Variants in SCAPER observed in about 807,000 individuals in gnomAD.
SCAPER encodes the protein S phase cyclin A-associated protein in the endoplasmic reticulum.
In SCAPER, 98 loss-of-function variants were observed where a neutral mutation model predicts 182.2. The ratio of observed to expected loss-of-function variants is 0.54; its 90% CI spans 0.46 to 0.64. SCAPER has a LOEUF of 0.64. SCAPER is among the 30% of genes least tolerant of loss of function. The probability of loss-of-function intolerance (pLI) is 0.00; values close to 1 mark genes in which losing one functional copy is unlikely to be tolerated. For missense variants in SCAPER, 1,432 were observed against 1,690.0 expected, an observed-to-expected ratio of 0.85 and a Z score of 2.68; for synonymous variants, 605 against 564.6, an observed-to-expected ratio of 1.07 and a Z score of -1.01.
At chr15:76,776,892 GAAAT>G (rs1454075731) in intron 8 of SCAPER, among the ~76,000 whole-genome samples, 1 of 152,042 alleles carries the variant, frequency 6.6e-6, no homozygotes, top group Non-Finnish European at 1.5e-5. Flanking sequence ...ATAGGAAAAA[GAAAT>G]ACTTTTCAAT....
chr15:76,515,603 A>G (rs1262313233), intron 23 of SCAPER, among the ~76,000 whole-genome samples: 3 of 152,170 alleles, frequency 2.0e-5, no homozygotes, highest in African/African-American at 7.2e-5. Flanking sequence ...TAGAGCTCAG[A>G]GGCTTTTCTC....
rs1267002703 is a variant in SCAPER, at chr15:76,804,650, A to C, written c.394-17T>G. The C allele has an allele frequency of 2.1e-6, 3 of 1,437,658 alleles. No homozygotes were observed. Among genetic ancestry groups the C allele is most frequent in the East Asian group, 2.4e-5 (1 of 42,480 alleles). 89.1% of individuals were successfully genotyped at this position (1,437,658 alleles called of 1,614,324 possible). Reference sequence around the variant, plus strand: ...TAGCACCTCCTAAAAGAAACAAAACAAAAAAAAATTAAATTCCAGTCTGAG... The same window carrying C: ...TAGCACCTCCTAAAAGAAACAAAACCAAAAAAAATTAAATTCCAGTCTGAG... On this transcript the variant is annotated splice_polypyrimidine_tract_variant and intron_variant, in intron 5 of 31. Transcript: ENST00000563290.
At chr15:76,675,673 G>A (rs920414802) in intron 20 of SCAPER, among the ~76,000 whole-genome samples, 2 of 152,152 alleles carry the variant, frequency 1.3e-5, no homozygotes, top group Non-Finnish European at 2.9e-5. Context: ...GCCATGATAC[G>A]AAGTACACTA....
chr15:76,373,464 T>C (rs1037382587), intron 29 of SCAPER, among the ~76,000 whole-genome samples: 1 of 152,160 alleles, frequency 6.6e-6, no homozygotes, highest in Non-Finnish European at 1.5e-5. Flanking sequence ...CACGGATGAT[T>C]TCCCTCAACT....
chr15:76,577,713 C>T (rs1177933487), intron 22 of SCAPER, among the ~76,000 whole-genome samples: 1 of 152,118 alleles, frequency 6.6e-6, no homozygotes, highest in Admixed American at 6.5e-5. Flanking sequence ...AGGAAGCACT[C>T]GCCAAGGGCC....
intron 23 of SCAPER, among the ~76,000 whole-genome samples, chr15:76,512,992 C>T (rs1184367037): frequency 2.6e-5 from 4 of 152,122 alleles, no homozygotes; most frequent in Non-Finnish European, 4.4e-5. Flanking sequence ...CAAGCCACCT[C>T]GGGACTCTCT....
chr15:76,605,583 G>C (rs2050314559), intron 22 of SCAPER, among the ~76,000 whole-genome samples: 1 of 152,208 alleles, frequency 6.6e-6, no homozygotes, highest in Admixed American at 6.5e-5. Flanking sequence ...GATTGCAGTA[G>C]TTTCAGAAGG....
chr15:76,696,139 T>C (rs986021440), intron 20 of SCAPER, among the ~76,000 whole-genome samples: 1 of 152,250 alleles, frequency 6.6e-6, no homozygotes, highest in African/African-American at 2.4e-5. Context: ...TGGGTCTATA[T>C]GGAATTATCT....
chr15:76,832,596 C>G (rs1568283706), intron 5 of SCAPER, among the ~76,000 whole-genome samples: 1 of 152,172 alleles, frequency 6.6e-6, no homozygotes, highest in Non-Finnish European at 1.5e-5. Flanking sequence ...TCCCAAATCT[C>G]AAGTTCAATT....
intron 24 of SCAPER, among the ~76,000 whole-genome samples, chr15:76,494,908 A>C (rs751051776): frequency 1.6e-4 from 24 of 152,324 alleles, no homozygotes; most frequent in Admixed American, 3.3e-4. Context: ...TAAGGTACAG[A>C]AGGAAGACCA....
intron 23 of SCAPER, among the ~76,000 whole-genome samples, chr15:76,513,862 C>G (rs2042229313): frequency 6.6e-6 from 1 of 152,186 alleles, no homozygotes; most frequent in Non-Finnish European, 1.5e-5. Flanking sequence ...CCCTTAAGAC[C>G]AAGATCAAAT....
intron 15 of SCAPER, among the ~76,000 whole-genome samples, chr15:76,751,391 T>C (rs2062074742): frequency 6.6e-6 from 1 of 151,762 alleles, no homozygotes; most frequent in East Asian, 1.9e-4. Context: ...AAAATTCATA[T>C]GGAATCTCAA....
At chr15:76,726,156 A>ATATATAT (rs56986282) in intron 17 of SCAPER, among the ~76,000 whole-genome samples, 4,616 of 79,518 alleles carry the variant, frequency 0.058, 546 homozygotes, top group Admixed American at 0.069. Context: ...TATATATATA[A>ATATATAT]AAAACTCTAT....
intron 26 of SCAPER, among the ~76,000 whole-genome samples, chr15:76,428,518 A>G (rs2046596190): frequency 6.6e-6 from 1 of 152,136 alleles, no homozygotes; most frequent in South Asian, 2.1e-4. Flanking sequence ...AGTGAAATAA[A>G]CCAGGCACAG....
chr15:76,736,233 G>A (rs1482412001), intron 15 of SCAPER, among the ~76,000 whole-genome samples: 1 of 152,188 alleles, frequency 6.6e-6, no homozygotes, highest in Admixed American at 6.5e-5. Context: ...TCTAAAAAAT[G>A]CTAATGAACA....
At position 76,473,956 on chromosome 15, in the gene SCAPER, C is replaced by T. The variant is rs1009224694; in HGVS notation, c.2955-2621G>A. On this transcript the variant is annotated intron_variant, in intron 24 of 31. Coordinates refer to ENST00000563290, the MANE Select transcript of SCAPER (RefSeq NM_020843.4). Reference sequence around the variant, plus strand: ...GAGCTGTAATCCCAAGGATTACACGCGTGTGCCACCACACCCATCAAATTT... The same window carrying T: ...GAGCTGTAATCCCAAGGATTACACGTGTGTGCCACCACACCCATCAAATTT... 5.3e-5 allele frequency among the ~76,000 whole-genome samples: 8 copies of T among 152,026 alleles called. No homozygotes were observed. In the East Asian group the frequency reaches 7.7e-4, roughly 15 times the overall value.
intron 26 of SCAPER, among the ~76,000 whole-genome samples, chr15:76,409,748 G>A (rs564477173): frequency 2.1e-4 from 32 of 152,054 alleles, no homozygotes; most frequent in Non-Finnish European, 4.1e-4. Context: ...CAATTCCATG[G>A]TTTCAACTAT....
chr15:76,643,409 T>C (rs1374692765), intron 21 of SCAPER, among the ~76,000 whole-genome samples: 1 of 152,148 alleles, frequency 6.6e-6, no homozygotes, highest in Non-Finnish European at 1.5e-5. Flanking sequence ...TGGCCAGGCA[T>C]GGTGGCTAAC....
intron 24 of SCAPER, among the ~76,000 whole-genome samples, chr15:76,492,528 G>A (rs1334401237): frequency 6.6e-6 from 1 of 152,026 alleles, no homozygotes; most frequent in East Asian, 1.9e-4. Context: ...ATATTAAACA[G>A]AAATAGAGAA....
Sources: allele counts gnomAD v4.1 joint callset (sites outside exome capture counted in the v4.1 genomes callset), GRCh38; gene constraint gnomAD v4.1.1; transcripts MANE v1.5; gene names NCBI Gene and HGNC (gene_info 2026-07-23, HGNC 2026-07-21).